Variants in G2E3 observed in about 807,000 individuals in gnomAD.
The protein encoded by G2E3 is G2/M phase-specific E3 ubiquitin-protein ligase.
Under a neutral mutation model 92.8 loss-of-function variants are expected in G2E3, and 35 were observed. The observed-to-expected ratio is 0.38, with a 90% CI of 0.29 to 0.50. The LOEUF (loss-of-function observed/expected upper bound fraction) is 0.50, where lower values mean the gene tolerates loss of function less well. G2E3 is among the 20% of genes least tolerant of loss of function. The pLI, the probability that G2E3 is intolerant of heterozygous loss-of-function variation, is 0.94. For missense variants in G2E3, 554 were observed against 823.8 expected, an observed-to-expected ratio of 0.67 and a Z score of 4.01; for synonymous variants, 242 against 272.4, an observed-to-expected ratio of 0.89 and a Z score of 1.10.
At chr14:30,574,318 C>G (rs1181393679) in intron 1 of G2E3, among the ~76,000 whole-genome samples, 1 of 152,060 alleles carries the variant, frequency 6.6e-6, no homozygotes, top group Non-Finnish European at 1.5e-5. Flanking sequence ...TGGTCAATTG[C>G]CTCGGTGATG....
intron 6 of G2E3, among the ~76,000 whole-genome samples, chr14:30,594,296 G>A (rs1029833100): frequency 6.6e-6 from 1 of 152,178 alleles, no homozygotes; most frequent in East Asian, 1.9e-4. Flanking sequence ...GAAAGTGCCA[G>A]CTGATGAACT....
chr14:30,601,646 T>C lies in G2E3; in HGVS notation c.753-124T>C, dbSNP rs1335243363. The C allele has an allele frequency of 8.1e-6, 7 of 860,232 alleles. No individual in the cohort carries two copies. In the Admixed American group the frequency reaches 1.4e-4, roughly 17 times the overall value. The allele number at this position is 860,232 out of a possible 1,614,324, so 53.3% of individuals were successfully genotyped here. ...GAAGCAGATAATCTTTTTCTTCCTT[T>C]AGTAAATCGATTGGGCGGGTGTGTG... On this transcript the variant is annotated intron_variant, in intron 8 of 14. Coordinates refer to ENST00000206595, the MANE Select transcript of G2E3 (RefSeq NM_017769.5).
intron 4 of G2E3, chr14:30,590,448 G>A (rs967054425): frequency 3.4e-6 from 1 of 292,888 alleles, no homozygotes; most frequent in South Asian, 3.2e-5. Flanking sequence ...ATCAAGTAGT[G>A]GCCTATAATA....
intron 12 of G2E3, among the ~76,000 whole-genome samples, chr14:30,608,592 C>T (rs764986058): frequency 7.9e-5 from 12 of 152,150 alleles, no homozygotes; most frequent in African/African-American, 2.2e-4. Context: ...TTAATGCGTC[C>T]GCCTAAAAAT....
chr14:30,564,542 C>T (rs1324024416), intron 1 of G2E3, among the ~76,000 whole-genome samples: 1 of 152,100 alleles, frequency 6.6e-6, no homozygotes, highest in Non-Finnish European at 1.5e-5. Flanking sequence ...CCATGTTGTC[C>T]AGGCTGGTTG....
At chr14:30,580,756 G>A (rs1039620497) in intron 1 of G2E3, 1 of 199,592 alleles carries the variant, frequency 5.0e-6, no homozygotes, top group African/African-American at 2.3e-5. Flanking sequence ...AAATTTGAAA[G>A]TCTAGACTAT....
intron 4 of G2E3, among the ~76,000 whole-genome samples, chr14:30,590,228 T>A (rs1432652475): frequency 6.6e-6 from 1 of 152,116 alleles, no homozygotes; most frequent in Admixed American, 6.6e-5. Context: ...ATGAAGGGAT[T>A]CATCATTACA....
intron 8 of G2E3, among the ~76,000 whole-genome samples, chr14:30,599,507 A>G (rs185271454): frequency 2.6e-5 from 4 of 152,226 alleles, no homozygotes; most frequent in African/African-American, 9.6e-5. Context: ...GATTACAGGC[A>G]TGAGCCACTG....
Position 30,593,632 on chromosome 14 carries a change from G to A in G2E3, c.521G>A (p.Cys174Tyr). 1 of 1,598,440 alleles carries A rather than the reference G, an allele frequency of 6.3e-7. No individual in the cohort carries two copies. The highest frequency in any genetic ancestry group is 8.6e-7 in the Non-Finnish European group (1 of 1,167,326). Residue 174 changes from cysteine to tyrosine, a missense_variant, in exon 6 of 15, where the codon TGT (cysteine) becomes TAT (tyrosine). Coordinates refer to ENST00000206595, the MANE Select transcript of G2E3 (RefSeq NM_017769.5). ...CCKNAWFHRD[C>Y]LQVQAINAGV... The stretch of plus-strand genomic sequence containing the variant: ...AAGAACGCTTGGTTTCATAGAGACT[G>A]TTTACAGGTAAGATACATATTTTGT...
intron 1 of G2E3, among the ~76,000 whole-genome samples, chr14:30,569,873 C>T (rs568450222): frequency 6.6e-6 from 1 of 152,330 alleles, no homozygotes; most frequent in South Asian, 2.1e-4. Flanking sequence ...CCCAGGCTTT[C>T]ACACACTGTT....
At position 30,605,555 on chromosome 14, in the gene G2E3, G is replaced by A. The variant is rs757123296; in HGVS notation, c.1061G>A (p.Gly354Glu). ...GTATCAACACTATTAATAGAGTTAG[G>A]ATTCCAAATTAAAAAAAAAACTAAA... ...RNVSTLLIEL[G>E]FQIKKKTKRL... is the part of the protein sequence containing the mutation. The change falls in exon 11 of 15, where the codon GGA becomes GAA. Residue 354 changes from glycine to glutamate, a missense_variant. Gly to Glu is a moderately conservative substitution (Grantham distance 98). Around this residue, in one of 3 missense-constraint regions of G2E3, gnomAD observed 397 missense variants for 560.3 expected, o/e 0.71. Coordinates refer to ENST00000206595, the MANE Select transcript of G2E3 (RefSeq NM_017769.5). 2.7e-6 allele frequency: 4 copies of A among 1,479,490 alleles called. No homozygotes were observed. The highest frequency in any genetic ancestry group is 3.7e-6 in the Non-Finnish European group (4 of 1,074,964). 91.6% of individuals were successfully genotyped at this position (1,479,490 alleles called of 1,614,324 possible).
In G2E3 at chr14:30,612,199, C is replaced by T; in HGVS notation, c.1501-8C>T. On this transcript the variant is annotated splice_region_variant and splice_polypyrimidine_tract_variant and intron_variant, in intron 12 of 14. Coordinates refer to ENST00000206595, the MANE Select transcript of G2E3 (RefSeq NM_017769.5). ...AGTAAAGTGGCTGTATTTTCTCCTTCATTACAGATAAATACTGCAACAACT... is the reference window on the plus strand; with the variant it reads ...AGTAAAGTGGCTGTATTTTCTCCTTTATTACAGATAAATACTGCAACAACT... The T allele has an allele frequency of 6.3e-7, 1 of 1,595,098 alleles. No homozygotes were observed. The highest frequency in any genetic ancestry group is 1.3e-5 in the African/African-American group (1 of 74,634).
At position 30,570,480 on chromosome 14, in the gene G2E3, A is replaced by G. The variant is rs996022642; in HGVS notation, c.-4-10596A>G. 5.3e-5 allele frequency among the ~76,000 whole-genome samples: 8 copies of G among 152,078 alleles called. No homozygotes were observed. The East Asian group carries it at 1.5e-3, about 29-fold the overall frequency. ...GGACTCCTATTAAGCATATATTGGT[A>G]TACTTGATGGTGTCTCATAGTCTCT... On this transcript the variant is annotated intron_variant, in intron 1 of 14. Coordinates refer to ENST00000206595, the MANE Select transcript of G2E3 (RefSeq NM_017769.5).
At chr14:30,596,104 C>T (rs1422154641) in intron 6 of G2E3, among the ~76,000 whole-genome samples, 4 of 89,706 alleles carry the variant, frequency 4.5e-5, no homozygotes, top group Non-Finnish European at 7.9e-5. Flanking sequence ...TGTTTCCCTC[C>T]CTTATATGGG....
At chr14:30,589,900 G>C (rs1253861233) in intron 4 of G2E3, among the ~76,000 whole-genome samples, 1 of 152,072 alleles carries the variant, frequency 6.6e-6, no homozygotes, top group Non-Finnish European at 1.5e-5. Flanking sequence ...ATGTTGGGTT[G>C]AGTTAGAAAT....
rs547188230 is a variant in G2E3, at chr14:30,597,203, T to C, written c.529-217T>C. Among the ~76,000 whole-genome samples the C allele has an allele frequency of 3.9e-5, 6 of 152,276 alleles. No individual in the cohort carries two copies. In the East Asian group the frequency reaches 1.2e-3, roughly 29 times the overall value. The stretch of plus-strand genomic sequence containing the variant: ...AAAAAATATATGGGTGATGTAAAGC[T>C]AAGTATTAATTAGCTTTTTTTTTAA... On this transcript the variant is annotated intron_variant, in intron 6 of 14. Transcript: ENST00000206595.
rs1341072518 is a variant in G2E3 at position 30,618,827 on chromosome 14, C to T, written c.*2293C>T. 1 of 151,926 alleles carries T rather than the reference C, an allele frequency of 6.6e-6. No individual in the cohort carries two copies. Among genetic ancestry groups the T allele is most frequent in the Non-Finnish European group, 1.5e-5 (1 of 67,864 alleles). The allele number at this position is 151,926 out of a possible 1,614,324, so 9.4% of individuals were successfully genotyped here. ...TGGTTGGTATTATAATTGTTCTTTT[C>T]TTATTAATTTTATAACCAGTGCATA... On this transcript the variant is annotated 3_prime_UTR_variant, in exon 15 of 15. Coordinates refer to ENST00000206595, the MANE Select transcript of G2E3 (RefSeq NM_017769.5).
intron 1 of G2E3, among the ~76,000 whole-genome samples, chr14:30,566,392 A>G (rs563133144): frequency 6.6e-6 from 1 of 152,186 alleles, no homozygotes; most frequent in Non-Finnish European, 1.5e-5. Flanking sequence ...ATGTCTTTTC[A>G]TTTATTTACA....
intron 4 of G2E3, 122 bp downstream of exon 4, chr14:30,589,606 G>A: frequency 1.7e-6 from 1 of 587,572 alleles, no homozygotes; most frequent in East Asian, 2.7e-5. Context: ...TGCATATTTT[G>A]TCATTTAAAT....
Sources: gnomAD v4.1 joint callset for allele counts (sites outside exome capture counted in the v4.1 genomes callset) on GRCh38, gnomAD v4.1.1 for gene constraint, gnomAD v4.1.1 regional missense constraint, MANE v1.5 for transcripts, NCBI Gene and HGNC (gene_info 2026-07-23, HGNC 2026-07-21) for gene names.